PHLPP1: variants seen among roughly 807,000 people sequenced by gnomAD.
PHLPP1 encodes the protein PH domain leucine-rich repeat-containing protein phosphatase 1.
In PHLPP1, 42 loss-of-function variants were observed where a neutral mutation model predicts 117.2. The ratio of observed to expected loss-of-function variants is 0.36; its 90% CI spans 0.28 to 0.46. The LOEUF (loss-of-function observed/expected upper bound fraction) is 0.46. Among genes scored for constraint, PHLPP1 ranks in the 20% least tolerant of loss-of-function variants. The pLI is 1.00. For synonymous variants in PHLPP1, 1,042 were observed against 970.7 expected, an observed-to-expected ratio of 1.07 and a Z score of -1.37; for missense variants, 2,084 against 2,241.9, an observed-to-expected ratio of 0.93 and a Z score of 1.42.
intron 1 of PHLPP1, among the ~76,000 whole-genome samples, chr18:62,744,738 C>A (rs1188411514): frequency 6.6e-6 from 1 of 152,204 alleles, no homozygotes; most frequent in Non-Finnish European, 1.5e-5. Context: ...CTACTTCCTC[C>A]ACTGGCATGT....
intron 3 of PHLPP1, among the ~76,000 whole-genome samples, chr18:62,848,331 A>G (rs1284368326): frequency 2.0e-5 from 3 of 152,192 alleles, no homozygotes; most frequent in Non-Finnish European, 4.4e-5. Flanking sequence ...GACAACAATA[A>G]TGCACATAGT....
chr18:62,767,255 A>G (rs1473466884), intron 1 of PHLPP1, among the ~76,000 whole-genome samples: 1 of 152,228 alleles, frequency 6.6e-6, no homozygotes, highest in East Asian at 1.9e-4. Context: ...TTCAAAGGAG[A>G]CCACTAAAAC....
intron 3 of PHLPP1, among the ~76,000 whole-genome samples, chr18:62,854,273 T>G (rs1568138739): frequency 6.6e-6 from 1 of 152,260 alleles, no homozygotes; most frequent in Non-Finnish European, 1.5e-5. Flanking sequence ...ATATGCCTGT[T>G]TCACTTCCCA....
chr18:62,965,144 A>T (rs1347339146), intron 14 of PHLPP1, among the ~76,000 whole-genome samples: 2 of 152,186 alleles, frequency 1.3e-5, no homozygotes, highest in Non-Finnish European at 2.9e-5. Flanking sequence ...CCCTCCCTTT[A>T]TATTTTCCCT....
At chr18:62,863,313 G>T (rs889867298) in intron 4 of PHLPP1, among the ~76,000 whole-genome samples, 1 of 151,944 alleles carries the variant, frequency 6.6e-6, no homozygotes, top group South Asian at 2.1e-4. Flanking sequence ...TGATCCTCCT[G>T]CCTCAGCCTC....
At chr18:62,815,609 CA>C (rs1293515228) in intron 1 of PHLPP1, among the ~76,000 whole-genome samples, 1 of 152,162 alleles carries the variant, frequency 6.6e-6, no homozygotes, top group African/African-American at 2.4e-5. Context: ...CTGGCTTCCC[CA>C]GAGGGAGTGA....
At position 62,979,540 on chromosome 18, in the gene PHLPP1, C is replaced by T; in HGVS notation, c.*109C>T. The stretch of plus-strand genomic sequence containing the variant: ...TTACTCCACATCCTTCCCCCAGACA[C>T]TGTTCCCAACCTGTCATCGCAGCTA... On this transcript the variant is annotated 3_prime_UTR_variant, in exon 17 of 17. Coordinates refer to ENST00000262719, the MANE Select transcript of PHLPP1 (RefSeq NM_194449.4). 4.9e-6 allele frequency: 6 copies of T among 1,223,054 alleles called. No individual in the cohort carries two copies. The highest frequency in any genetic ancestry group is 6.7e-6 in the Non-Finnish European group (6 of 888,902). 75.8% of individuals were successfully genotyped at this position (1,223,054 alleles called of 1,614,324 possible). A position where few individuals can be genotyped will look rare whatever the true frequency, so the allele number is the denominator to read the frequency against.
rs529491537 is a variant in PHLPP1 at position 62,973,879 on chromosome 18, C to CTCA, written c.3755+1171_3755+1172insTCA. On this transcript the variant is annotated intron_variant, in intron 15 of 16. Coordinates refer to ENST00000262719, the MANE Select transcript of PHLPP1 (RefSeq NM_194449.4). ...ACAGTGAGGTGAAGCACAGTGCCTA[C>CTCA]GGGCTAATAGGTAGTGCAGCCAGGA... 8.5e-5 allele frequency among the ~76,000 whole-genome samples: 13 copies of CTCA among 152,284 alleles called. No individual in the cohort carries two copies. In the East Asian group the frequency reaches 2.5e-3, roughly 29 times the overall value.
At chr18:62,935,773 G>T (rs1909950405) in intron 10 of PHLPP1, among the ~76,000 whole-genome samples, 1 of 152,188 alleles carries the variant, frequency 6.6e-6, no homozygotes, top group Non-Finnish European at 1.5e-5. Flanking sequence ...GGAGGCCGAG[G>T]TGGGCGGATC....
intron 1 of PHLPP1, among the ~76,000 whole-genome samples, chr18:62,719,440 G>A (rs572798392): frequency 3.3e-5 from 5 of 152,270 alleles, no homozygotes; most frequent in South Asian, 2.1e-4. Context: ...GAACAAAAGC[G>A]TAGTCTCATT....
At position 62,979,223 on chromosome 18, in the gene PHLPP1, G is replaced by A; in HGVS notation, c.4946G>A (p.Gly1649Glu). ...ACAGACGCACCTCTTCGAAAGCCTG[G>A]AGGCTATTTTGCTGCCCCGGCTCAG... is the stretch of plus-strand genomic sequence containing the variant. ...VATDAPLRKP[G>E]GYFAAPAQPD... is the part of the protein sequence containing the mutation. Residue 1649 changes from glycine to glutamate, a missense_variant, in exon 17 of 17, where the codon GGA (glycine) becomes GAA (glutamate). Coordinates refer to ENST00000262719, the MANE Select transcript of PHLPP1 (RefSeq NM_194449.4). 6.2e-7 allele frequency: 1 copy of A among 1,608,510 alleles called. No individual in the cohort carries two copies. Among genetic ancestry groups the A allele is most frequent in the Non-Finnish European group, 8.5e-7 (1 of 1,177,462 alleles).
Position 62,923,473 on chromosome 18 carries a change from T to C in PHLPP1, c.2960+3359T>C, listed in dbSNP as rs142570382. The stretch of plus-strand genomic sequence containing the variant: ...GTAGAATCAGAGAGAAAAGTTAAGA[T>C]TGTTAATTATCTTGGGCAGACAGGA... On this transcript the variant is annotated intron_variant, in intron 10 of 16. Coordinates refer to ENST00000262719, the MANE Select transcript of PHLPP1 (RefSeq NM_194449.4). Among the ~76,000 whole-genome samples, 6 of 152,266 alleles carry C rather than the reference T, an allele frequency of 3.9e-5. No individual in the cohort carries two copies. In the South Asian group the frequency reaches 8.3e-4, roughly 21 times the overall value.
intron 1 of PHLPP1, among the ~76,000 whole-genome samples, chr18:62,801,009 TTCCCTCCCTCCCTCC>T (rs1913762003): frequency 2.2e-3 from 58 of 26,746 alleles, no homozygotes; most frequent in African/African-American, 8.8e-3. Flanking sequence ...CCTTGCTTCC[TTCCCTCCCTCCCTCC>T]CTCCCTCCCT....
At chr18:62,947,383 A>G (rs1054203494) in intron 12 of PHLPP1, among the ~76,000 whole-genome samples, 10 of 152,240 alleles carry the variant, frequency 6.6e-5, no homozygotes, top group Non-Finnish European at 1.5e-5. Context: ...TATATAGAGC[A>G]ACTATTTTGG....
chr18:62,783,088 A>ATACC lies in PHLPP1; in HGVS notation c.1577-46946_1577-46943dup, dbSNP rs138306958. 3.9e-3 allele frequency among the ~76,000 whole-genome samples: 590 copies of ATACC among 151,244 alleles called. 4 individuals are homozygous for ATACC. Among genetic ancestry groups the ATACC allele is most frequent in the African/African-American group, 0.014 (557 of 41,146 alleles). On this transcript the variant is annotated intron_variant, in intron 1 of 16. Transcript: ENST00000262719. The stretch of plus-strand genomic sequence containing the variant: ...CTGTTCTTGCCAGAAGATAGAAATG[A>ATACC]TACCCATCAATGGTACTCATGCTAA...
chr18:62,944,962 G>T (rs1422220260), intron 11 of PHLPP1, 147 bp from the exon 12 acceptor site: 1 of 560,562 alleles, frequency 1.8e-6, no homozygotes, highest in Admixed American at 3.8e-5. Context: ...AAATATTTCA[G>T]TACTCCAAAA....
chr18:62,744,214 G>A (rs1911611913), intron 1 of PHLPP1, among the ~76,000 whole-genome samples: 1 of 152,222 alleles, frequency 6.6e-6, no homozygotes, highest in Non-Finnish European at 1.5e-5. Flanking sequence ...CTGGTGAGTG[G>A]TGGGGCTCCT....
intron 3 of PHLPP1, among the ~76,000 whole-genome samples, chr18:62,854,033 C>T (rs1055796110): frequency 6.6e-6 from 1 of 152,144 alleles, no homozygotes; most frequent in Non-Finnish European, 1.5e-5. Context: ...GACAGGTAAG[C>T]GAAGTGACTT....
Position 62,838,438 on chromosome 18 carries a change from T to C in PHLPP1, c.1774-346T>C, listed in dbSNP as rs551096795. ...TGCTTGAAGACTTCTTAAGTAAAAATTCCTAAGTAAAATCTTAAGTAAAAA... is the reference window on the plus strand; with the variant it reads ...TGCTTGAAGACTTCTTAAGTAAAAACTCCTAAGTAAAATCTTAAGTAAAAA... On this transcript the variant is annotated intron_variant, in intron 2 of 16. Coordinates refer to ENST00000262719, the MANE Select transcript of PHLPP1 (RefSeq NM_194449.4). 22 of 174,874 alleles carry C rather than the reference T, an allele frequency of 1.3e-4. No homozygotes were observed. The South Asian group carries it at 2.8e-3, about 22-fold the overall frequency. 10.8% of individuals were successfully genotyped at this position (174,874 alleles called of 1,614,324 possible).
Sources: gnomAD v4.1 joint callset for allele counts (sites outside exome capture counted in the v4.1 genomes callset) on GRCh38, gnomAD v4.1.1 for gene constraint, MANE v1.5 for transcripts, NCBI Gene and HGNC (gene_info 2026-07-23, HGNC 2026-07-21) for gene names.